Variants in CHRM3 observed in about 807,000 individuals in gnomAD.
CHRM3 encodes cholinergic receptor muscarinic 3.
CHRM3 carries 11 observed loss-of-function variants against 41.8 expected under a neutral mutation model. That is an observed-to-expected ratio of 0.26 (90% CI 0.17 to 0.44). CHRM3 has a LOEUF of 0.44. CHRM3 is among the 20% of genes least tolerant of loss of function. CHRM3 has a pLI of 1.00. For missense variants in CHRM3, 571 were observed against 745.4 expected (o/e 0.77, Z 2.72); for synonymous variants, 297 against 301.4 (o/e 0.99, Z 0.15).
At chr1:239,622,064 G>A (rs1347553840) in intron 3 of CHRM3, among the ~76,000 whole-genome samples, 1 of 152,088 alleles carries the variant, frequency 6.6e-6, no homozygotes, top group African/African-American at 2.4e-5. Flanking sequence ...TACTTTGCCT[G>A]TGCTCTATAA....
chr1:239,760,846 G>A (rs80254635), intron 5 of CHRM3, among the ~76,000 whole-genome samples: 8,087 of 152,174 alleles, frequency 0.053, 300 homozygotes, highest in Non-Finnish European at 0.079. Flanking sequence ...CCTTGGTGTC[G>A]TTTTCCTCAT....
chr1:239,497,615 GT>G (rs1667969026), intron 2 of CHRM3, among the ~76,000 whole-genome samples: 1 of 152,122 alleles, frequency 6.6e-6, no homozygotes, highest in Admixed American at 6.6e-5. Flanking sequence ...TTATGCTTTC[GT>G]TTCTTTCCTG....
At chr1:239,766,959 G>T (rs917258650) in intron 5 of CHRM3, among the ~76,000 whole-genome samples, 8 of 152,214 alleles carry the variant, frequency 5.3e-5, no homozygotes, top group African/African-American at 1.7e-4. Context: ...CGATCCACCC[G>T]CCTCAGCCTC....
intron 5 of CHRM3, among the ~76,000 whole-genome samples, chr1:239,797,624 T>G (rs1281503923): frequency 6.6e-6 from 1 of 152,200 alleles, no homozygotes; most frequent in Non-Finnish European, 1.5e-5. Flanking sequence ...TATTTCCTTT[T>G]GTTCCAAAGC....
intron 5 of CHRM3, among the ~76,000 whole-genome samples, chr1:239,760,934 ATGTT>A (rs1226096236): frequency 6.6e-6 from 1 of 151,958 alleles, no homozygotes; most frequent in Non-Finnish European, 1.5e-5. Context: ...GATTTTTCAG[ATGTT>A]TGTTTGTCTT....
intron 2 of CHRM3, among the ~76,000 whole-genome samples, chr1:239,531,852 G>A (rs1239003706): frequency 2.7e-5 from 4 of 149,444 alleles, no homozygotes; most frequent in Non-Finnish European, 4.5e-5. Context: ...ATAGAGACGG[G>A]GTTTCACTGT....
chr1:239,396,116 A>G (rs1314845761), intron 1 of CHRM3, among the ~76,000 whole-genome samples: 1 of 152,166 alleles, frequency 6.6e-6, no homozygotes, highest in African/African-American at 2.4e-5. Context: ...CAATTTGTCA[A>G]GGACCACTTG....
At chr1:239,621,085 GTA>G (rs1196664865) in intron 3 of CHRM3, among the ~76,000 whole-genome samples, 2 of 152,066 alleles carry the variant, frequency 1.3e-5, no homozygotes, top group Non-Finnish European at 2.9e-5. Context: ...AATTCTTGTA[GTA>G]TTTCAAGCTT....
chr1:239,905,710 A>G (rs1482292939), intron 6 of CHRM3, among the ~76,000 whole-genome samples: 2 of 152,182 alleles, frequency 1.3e-5, no homozygotes, highest in Non-Finnish European at 2.9e-5. Context: ...AAAATATAAT[A>G]TAATAAATAA....
intron 4 of CHRM3, among the ~76,000 whole-genome samples, chr1:239,639,915 CTTA>C (rs1280922300): frequency 1.3e-5 from 2 of 148,794 alleles, no homozygotes; most frequent in African/African-American, 5.0e-5. Context: ...ATAGATAGCT[CTTA>C]TTATTTTGAG....
rs142339442 is a variant in CHRM3 at position 239,684,770 on chromosome 1, G to GAAAGAAAGAAAGAAAGAAAGAA, written c.-147+6483_-147+6484insAAGAAAGAAAGAAAGAAAGAAA. 9.2e-3 allele frequency among the ~76,000 whole-genome samples: 1,184 copies of GAAAGAAAGAAAGAAAGAAAGAA among 128,990 alleles called. 54 individuals are homozygous for GAAAGAAAGAAAGAAAGAAAGAA. Among genetic ancestry groups the GAAAGAAAGAAAGAAAGAAAGAA allele is most frequent in the Middle Eastern group, 0.031 (7 of 228 alleles). 84.6% of individuals were successfully genotyped at this position (128,990 alleles called of 152,430 possible). On this transcript the variant is annotated intron_variant, in intron 5 of 6. Transcript: ENST00000676153. The stretch of plus-strand genomic sequence containing the variant: ...AAAGAGAAAGAAAGAAAGAAAGAAA[G>GAAAGAAAGAAAGAAAGAAAGAA]AGAAAGAGAAAGAAAAGAGAAGAGA...
At chr1:239,904,960 TCAGA>T (rs1679857355) in intron 6 of CHRM3, among the ~76,000 whole-genome samples, 1 of 152,086 alleles carries the variant, frequency 6.6e-6, no homozygotes, top group Non-Finnish European at 1.5e-5. Flanking sequence ...ATACATAGAG[TCAGA>T]CAGCTCCTGA....
intron 5 of CHRM3, among the ~76,000 whole-genome samples, chr1:239,810,285 G>C (rs563116752): frequency 6.6e-5 from 10 of 152,160 alleles, no homozygotes; most frequent in Non-Finnish European, 1.5e-5. Context: ...AATGCGGGGG[G>C]ACTTGAGGGC....
intron 2 of CHRM3, among the ~76,000 whole-genome samples, chr1:239,524,028 T>C (rs561763699): frequency 2.0e-5 from 3 of 152,348 alleles, no homozygotes; most frequent in Non-Finnish European, 4.4e-5. Flanking sequence ...TATGGTCGTC[T>C]TGTAAAATTT....
chr1:239,816,293 G>A (rs1316882466), intron 5 of CHRM3, among the ~76,000 whole-genome samples: 1 of 152,190 alleles, frequency 6.6e-6, no homozygotes, highest in East Asian at 1.9e-4. Context: ...CAAAGACGTG[G>A]TCTTTCCTAA....
chr1:239,749,699 A>G (rs943143181), intron 5 of CHRM3, among the ~76,000 whole-genome samples: 2 of 152,260 alleles, frequency 1.3e-5, no homozygotes, highest in African/African-American at 4.8e-5. Context: ...GTAGCTTTGT[A>G]TATTTTCTGA....
chr1:239,393,185 G>A (rs1318317519), intron 1 of CHRM3, among the ~76,000 whole-genome samples: 1 of 152,056 alleles, frequency 6.6e-6, no homozygotes, highest in African/African-American at 2.4e-5. Context: ...AATAAAGAAA[G>A]AAAGAAAGAA....
At chr1:239,528,490 G>C (rs544868937) in intron 2 of CHRM3, among the ~76,000 whole-genome samples, 4 of 152,334 alleles carry the variant, frequency 2.6e-5, no homozygotes, top group Admixed American at 2.6e-4. Flanking sequence ...TCCAACTACA[G>C]TACATTCCAA....
intron 4 of CHRM3, among the ~76,000 whole-genome samples, chr1:239,652,777 C>A (rs1178585832): frequency 2.6e-5 from 4 of 151,962 alleles, no homozygotes; most frequent in Non-Finnish European, 4.4e-5. Flanking sequence ...GCCTTATTTT[C>A]TTCCTTCATA....
Sources: allele counts gnomAD v4.1 joint callset (sites outside exome capture counted in the v4.1 genomes callset), GRCh38; gene constraint gnomAD v4.1.1; transcripts MANE v1.5; gene names NCBI Gene and HGNC (gene_info 2026-07-23, HGNC 2026-07-21).